EFL1: variants seen among roughly 807,000 people sequenced by gnomAD.
The protein encoded by EFL1 is elongation factor like GTPase 1, also known as elongation factor-like GTPase 1.
A neutral mutation model predicts 126.7 loss-of-function variants in EFL1; 76 were observed. The ratio of observed to expected loss-of-function variants is 0.60; its 90% CI spans 0.50 to 0.73. EFL1 has a LOEUF of 0.73. Ranked by LOEUF, EFL1 falls within the 30% of genes least tolerant of loss-of-function variation. The probability of loss-of-function intolerance (pLI) is 0.00; values close to 1 mark genes in which losing one functional copy is unlikely to be tolerated. For synonymous variants in EFL1, 410 were observed against 448.4 expected, an observed-to-expected ratio of 0.91 and a Z score of 1.08; for missense variants, 1,128 against 1,343.2, an observed-to-expected ratio of 0.84 and a Z score of 2.50.
chr15:82,207,303 T>TACAC (rs1449816204), intron 15 of EFL1, among the ~76,000 whole-genome samples: 32 of 112,152 alleles, frequency 2.9e-4, no homozygotes, highest in African/African-American at 9.0e-4. Flanking sequence ...TATATATATA[T>TACAC]ATATACACAC....
chr15:82,201,280 A>G (rs2074465367), intron 15 of EFL1, among the ~76,000 whole-genome samples: 1 of 152,194 alleles, frequency 6.6e-6, no homozygotes. Context: ...CCCAGTCCTT[A>G]GGGAATTTGC....
intron 11 of EFL1, 52 bp downstream of exon 11, chr15:82,227,398 A>G (rs2074775008): frequency 6.2e-7 from 1 of 1,613,424 alleles, no homozygotes; most frequent in African/African-American, 1.3e-5. Flanking sequence ...AGCAGCCTGG[A>G]TGGAGGACAG....
chr15:82,262,591 C>A, intron 1 of EFL1, 23 bp downstream of exon 1: 2 of 357,516 alleles, frequency 5.6e-6, no homozygotes, highest in South Asian at 5.9e-5. Flanking sequence ...AGGTTCCAGC[C>A]CCCAGCGCCA....
chr15:82,211,549 TAC>T (rs35812924), intron 15 of EFL1, among the ~76,000 whole-genome samples: 2,630 of 94,328 alleles, frequency 0.028, 69 homozygotes, highest in East Asian at 0.038. Context: ...AAAATCTATA[TAC>T]ACACACACAC....
Position 82,161,644 on chromosome 15 carries a change from T to C in EFL1, c.1882+2209A>G, listed in dbSNP as rs1216436170. On this transcript the variant is annotated intron_variant, in intron 16 of 19. Coordinates refer to ENST00000268206, the MANE Select transcript of EFL1 (RefSeq NM_024580.6). ...TTTTAAAATTATGAAGAAAATTATG[T>C]GCCCCTTCTAACCATTTTAGTTTAC... is the stretch of plus-strand genomic sequence containing the variant. Among the ~76,000 whole-genome samples, 3 of 152,214 alleles carry C rather than the reference T, an allele frequency of 2.0e-5. No individual in the cohort carries two copies. In the East Asian group the frequency reaches 5.8e-4, roughly 29 times the overall value.
At chr15:82,164,062 C>A in intron 15 of EFL1, 78 bp from the exon 16 acceptor site, 1 of 1,565,438 alleles carries the variant, frequency 6.4e-7, no homozygotes, top group Non-Finnish European at 8.7e-7. Context: ...GCAGCATCAA[C>A]CCAGTATATG....
chr15:82,155,264 G>A (rs971752917), intron 17 of EFL1, among the ~76,000 whole-genome samples: 1 of 152,156 alleles, frequency 6.6e-6, no homozygotes, highest in Non-Finnish European at 1.5e-5. Flanking sequence ...CACTTTGGGA[G>A]GCCGAGGAGG....
intron 12 of EFL1, among the ~76,000 whole-genome samples, chr15:82,224,570 A>G (rs2074742438): frequency 6.6e-6 from 1 of 152,226 alleles, no homozygotes; most frequent in African/African-American, 2.4e-5. Flanking sequence ...GATCAGTGGA[A>G]CTAAAGATGG....
chr15:82,139,535 G>T (rs922984738), intron 18 of EFL1, among the ~76,000 whole-genome samples: 3 of 152,236 alleles, frequency 2.0e-5, no homozygotes, highest in Non-Finnish European at 1.5e-5. Flanking sequence ...ACTCAGGAGG[G>T]AAACATCTTC....
intron 17 of EFL1, chr15:82,157,411 T>C (rs1306281396): frequency 1.9e-5 from 4 of 211,806 alleles, no homozygotes; most frequent in Non-Finnish European, 3.8e-5. Flanking sequence ...AAATAATATC[T>C]TGTTTTGTTG....
At chr15:82,256,375 C>A (rs1407085005) in intron 3 of EFL1, among the ~76,000 whole-genome samples, 1 of 152,164 alleles carries the variant, frequency 6.6e-6, no homozygotes, top group Admixed American at 6.5e-5. Flanking sequence ...GTTTTCGTAT[C>A]CTGAAACCTG....
At chr15:82,150,405 C>T (rs1292255669) in intron 18 of EFL1, among the ~76,000 whole-genome samples, 1 of 152,194 alleles carries the variant, frequency 6.6e-6, no homozygotes, top group African/African-American at 2.4e-5. Flanking sequence ...CTCAATCCTC[C>T]TTTATATTCT....
At chr15:82,225,678 A>G (rs1038518723) in intron 11 of EFL1, among the ~76,000 whole-genome samples, 1 of 152,238 alleles carries the variant, frequency 6.6e-6, no homozygotes, top group Non-Finnish European at 1.5e-5. Flanking sequence ...ATAAAAATCA[A>G]TAGCTTTCCC....
chr15:82,143,980 G>T (rs1050608877), intron 18 of EFL1, among the ~76,000 whole-genome samples: 6 of 152,144 alleles, frequency 3.9e-5, no homozygotes, highest in African/African-American at 1.4e-4. Flanking sequence ...ATAGGCATAC[G>T]CTCGCACGCC....
chr15:82,177,081 C>T (rs192719618), intron 15 of EFL1, among the ~76,000 whole-genome samples: 3 of 152,238 alleles, frequency 2.0e-5, no homozygotes, highest in East Asian at 1.9e-4. Flanking sequence ...GGCAGTAATT[C>T]GAAAGGAGCT....
At chr15:82,164,784 CTACTT>C (rs2074060868) in intron 15 of EFL1, among the ~76,000 whole-genome samples, 1 of 151,556 alleles carries the variant, frequency 6.6e-6, no homozygotes, top group Non-Finnish European at 1.5e-5. Flanking sequence ...GTAGTCCCAG[CTACTT>C]GGGAGGCTGA....
At chr15:82,148,193 C>T (rs1308831812) in intron 18 of EFL1, among the ~76,000 whole-genome samples, 1 of 151,894 alleles carries the variant, frequency 6.6e-6, no homozygotes, top group African/African-American at 2.4e-5. Context: ...ACCTGGCCAA[C>T]ATAGTGAAAT....
At chr15:82,185,596 T>C (rs2074295744) in intron 15 of EFL1, among the ~76,000 whole-genome samples, 2 of 152,110 alleles carry the variant, frequency 1.3e-5, no homozygotes, top group East Asian at 1.9e-4. Context: ...TAGCTTCCTA[T>C]AAAAAGCTTT....
At chr15:82,223,343 T>C (rs938902032) in intron 12 of EFL1, among the ~76,000 whole-genome samples, 3 of 152,024 alleles carry the variant, frequency 2.0e-5, no homozygotes, top group African/African-American at 7.2e-5. Flanking sequence ...GAAAACACTA[T>C]ATTATTATGT....
Sources: gnomAD v4.1 joint callset for allele counts (sites outside exome capture counted in the v4.1 genomes callset) on GRCh38, gnomAD v4.1.1 for gene constraint, MANE v1.5 for transcripts, NCBI Gene and HGNC (gene_info 2026-07-23, HGNC 2026-07-21) for gene names.